Variants in SHOC2 observed in about 807,000 individuals in gnomAD.
The protein encoded by SHOC2 is leucine-rich repeat protein SHOC-2.
In SHOC2, 4 loss-of-function variants were observed where a neutral mutation model predicts 50.2. The observed-to-expected ratio is 0.08, with a 90% CI of 0.04 to 0.18. The LOEUF is 0.18. Among genes scored for constraint, SHOC2 ranks in the 10% least tolerant of loss-of-function variants. The pLI is 1.00. For synonymous variants in SHOC2, 218 were observed against 244.5 expected (o/e 0.89, Z 1.01); for missense variants, 388 against 669.6 (o/e 0.58, Z 4.64).
intron 3 of SHOC2, among the ~76,000 whole-genome samples, chr10:110,995,416 A>G (rs188832277): frequency 1.6e-4 from 25 of 152,346 alleles, no homozygotes; most frequent in Admixed American, 9.8e-4. Context: ...TGGACTCAGT[A>G]TGGAAGAAAA....
chr10:110,982,762 C>T (rs979942749), intron 2 of SHOC2, among the ~76,000 whole-genome samples: 18 of 151,908 alleles, frequency 1.2e-4, no homozygotes, highest in Non-Finnish European at 2.2e-4. Context: ...GTCTTAAGTT[C>T]CTGACATAGA....
intron 1 of SHOC2, among the ~76,000 whole-genome samples, chr10:110,943,238 C>A (rs1847184192): frequency 6.6e-6 from 1 of 151,034 alleles, no homozygotes; most frequent in Non-Finnish European, 1.5e-5. Flanking sequence ...CTCTGAGGCT[C>A]CGTTTCTTTT....
intron 2 of SHOC2, among the ~76,000 whole-genome samples, chr10:110,968,957 A>G (rs1165182374): frequency 6.6e-6 from 1 of 152,216 alleles, no homozygotes; most frequent in Non-Finnish European, 1.5e-5. Context: ...CCTTTTAAGC[A>G]TTAATGACAT....
intron 3 of SHOC2, 58 bp downstream of exon 3, chr10:110,985,823 G>A (rs1346207530): frequency 7.8e-6 from 11 of 1,407,654 alleles, no homozygotes; most frequent in African/African-American, 2.8e-5. Context: ...ATATTAATAG[G>A]ACTATTTTTG....
chr10:110,992,587 C>T (rs922042848), intron 3 of SHOC2, among the ~76,000 whole-genome samples: 5 of 152,170 alleles, frequency 3.3e-5, no homozygotes, highest in African/African-American at 9.7e-5. Flanking sequence ...AAAACCTTGC[C>T]TTCAAGGCTG....
Position 111,000,361 on chromosome 10 carries a change from G to C in SHOC2, c.842-54G>C, listed in dbSNP as rs2134168484. 8 of 1,574,312 alleles carry C rather than the reference G, an allele frequency of 5.1e-6. No individual in the cohort carries two copies. In the South Asian group the frequency reaches 8.9e-5, roughly 17 times the overall value. On this transcript the variant is annotated intron_variant, in intron 3 of 8. Transcript: ENST00000369452. ...GTTAGTAGATAGCCTGTGACAGTGA[G>C]AGGCTCATCAGATTTTGTAAAAAAT...
chr10:111,008,532 A>G (rs1848510616), intron 6 of SHOC2, among the ~76,000 whole-genome samples: 1 of 151,994 alleles, frequency 6.6e-6, no homozygotes, highest in South Asian at 2.1e-4. Context: ...GTAGAGTTGT[A>G]GTTAGGATTA....
intron 1 of SHOC2, among the ~76,000 whole-genome samples, chr10:110,938,276 A>G (rs1050110552): frequency 6.6e-6 from 1 of 152,006 alleles, no homozygotes; most frequent in African/African-American, 2.4e-5. Flanking sequence ...GAAGCTAAGT[A>G]TTTTTTCCAC....
At chr10:110,943,237 T>C (rs1178872747) in intron 1 of SHOC2, among the ~76,000 whole-genome samples, 1 of 151,436 alleles carries the variant, frequency 6.6e-6, no homozygotes, top group African/African-American at 2.4e-5. Flanking sequence ...TCTCTGAGGC[T>C]CCGTTTCTTT....
chr10:110,925,094 T>TAAAA (rs1554853396), intron 1 of SHOC2, among the ~76,000 whole-genome samples: 1 of 118,882 alleles, frequency 8.4e-6, no homozygotes, highest in Non-Finnish European at 2.0e-5. Flanking sequence ...AAAAAAAAAT[T>TAAAA]AAAATAAAAA....
chr10:110,959,211 A>AACTGATATAG, intron 1 of SHOC2, among the ~76,000 whole-genome samples: 1 of 152,316 alleles, frequency 6.6e-6, no homozygotes, highest in Admixed American at 6.5e-5. Flanking sequence ...TAGAAGTGCA[A>AACTGATATAG]ACTGATATAG....
At chr10:111,008,781 G>A (rs1040780444) in intron 6 of SHOC2, among the ~76,000 whole-genome samples, 17 of 151,894 alleles carry the variant, frequency 1.1e-4, no homozygotes, top group African/African-American at 3.6e-4. Context: ...TAACTTTATC[G>A]GAACAAAGGC....
intron 4 of SHOC2, among the ~76,000 whole-genome samples, chr10:111,000,865 T>C (rs1420234510): frequency 2.0e-5 from 3 of 152,134 alleles, no homozygotes; most frequent in Admixed American, 6.5e-5. Flanking sequence ...AGTAAAGGTA[T>C]TAAGGAAAAA....
intron 3 of SHOC2, 98 bp downstream of exon 3, chr10:110,985,863 A>G (rs969258906): frequency 9.9e-7 from 1 of 1,007,662 alleles, no homozygotes; most frequent in Non-Finnish European, 1.6e-6. Flanking sequence ...TTCAGGAGTA[A>G]AATTCACAAT....
In SHOC2 at chr10:110,988,875, T is replaced by C. The variant is rs1232891545; in HGVS notation, c.841+3110T>C. Reference sequence around the variant, plus strand: ...AAATTCTGATATGTTGTATTTTCCTTTTAAAAGTTTTTTCTAATTTACCCT... The same window carrying C: ...AAATTCTGATATGTTGTATTTTCCTCTTAAAAGTTTTTTCTAATTTACCCT... On this transcript the variant is annotated intron_variant, in intron 3 of 8. Transcript: ENST00000369452. 32 of 461,212 alleles carry C rather than the reference T, an allele frequency of 6.9e-5. No homozygotes were observed. The East Asian group carries it at 2.1e-3, about 30-fold the overall frequency. The allele number at this position is 461,212 out of a possible 1,614,324, so 28.6% of individuals were successfully genotyped here.
intron 3 of SHOC2, among the ~76,000 whole-genome samples, chr10:110,990,188 C>T (rs1016015714): frequency 2.0e-5 from 3 of 152,216 alleles, no homozygotes; most frequent in African/African-American, 7.2e-5. Context: ...ACCTGCAGCC[C>T]TGGTGCGGGA....
intron 1 of SHOC2, among the ~76,000 whole-genome samples, chr10:110,962,463 T>A (rs566625415): frequency 6.6e-6 from 1 of 152,122 alleles, no homozygotes; most frequent in Non-Finnish European, 1.5e-5. Context: ...GCAAAATAAT[T>A]TTTTTCTTTT....
intron 1 of SHOC2, chr10:110,936,794 C>G: frequency 1.8e-6 from 2 of 1,122,812 alleles, no homozygotes; most frequent in South Asian, 1.3e-5. Context: ...GTGGTACTTC[C>G]AGCCAACCTC....
At chr10:110,922,499 T>G (rs73343847) in intron 1 of SHOC2, among the ~76,000 whole-genome samples, 3,373 of 152,240 alleles carry the variant, frequency 0.022, 120 homozygotes, top group African/African-American at 0.076. Flanking sequence ...TACAGAAATC[T>G]GTGTTTTAAC....
Sources: allele counts gnomAD v4.1 joint callset (sites outside exome capture counted in the v4.1 genomes callset), GRCh38; gene constraint gnomAD v4.1.1; transcripts MANE v1.5; gene names NCBI Gene and HGNC (gene_info 2026-07-23, HGNC 2026-07-21).